The following PPARA variants were observed in gnomAD, a reference collection of about 807,000 sequenced individuals.
PPARA encodes the protein peroxisome proliferator-activated receptor alpha.
PPARA carries 22 observed loss-of-function variants against 42.2 expected under a neutral mutation model. The ratio of observed to expected loss-of-function variants is 0.52; its 90% confidence interval spans 0.37 to 0.74. The LOEUF (loss-of-function observed/expected upper bound fraction) is 0.74, where lower values mean the gene tolerates loss of function less well. Among genes scored for constraint, PPARA ranks in the 30% least tolerant of loss-of-function variants. The probability of loss-of-function intolerance (pLI) is 0.00; values close to 1 mark genes in which losing one functional copy is unlikely to be tolerated. For synonymous variants in PPARA, 242 were observed against 239.3 expected, an observed-to-expected ratio of 1.01 and a Z score of -0.10; for missense variants, 465 against 608.2, an observed-to-expected ratio of 0.76 and a Z score of 2.48.
At chr22:46,158,076 A>C (rs1049908632) in intron 2 of PPARA, among the ~76,000 whole-genome samples, 2 of 152,140 alleles carry the variant, frequency 1.3e-5, no homozygotes, top group African/African-American at 2.4e-5. Flanking sequence ...AGAATATTGA[A>C]GTTCCCCCAC....
At chr22:46,185,964 T>TATATACACAC (rs1207976543) in intron 3 of PPARA, among the ~76,000 whole-genome samples, 4 of 25,924 alleles carry the variant, frequency 1.5e-4, no homozygotes, top group African/African-American at 3.3e-4. Flanking sequence ...TATATATATA[T>TATATACACAC]ACACACACAC....
rs1935876275 is a variant in PPARA, at chr22:46,231,605, CTA to C, written c.712-185_712-184del. ...TTTACTGATTTATACTGTTTGTTCT[CTA>C]TTAATGTCTTATTTTCCCCAACCGA... On this transcript the variant is annotated intron_variant, in intron 7 of 8. Coordinates refer to ENST00000407236, the MANE Select transcript of PPARA (RefSeq NM_005036.6). This position sits in a 1 kb window ranked among gnomAD's most constrained non-coding sequence, Gnocchi z 7.7. 6.6e-6 allele frequency among the ~76,000 whole-genome samples: 1 copy of C among 152,182 alleles called. No homozygotes were observed. Among genetic ancestry groups the C allele is most frequent in the African/African-American group, 2.4e-5 (1 of 41,456 alleles).
rs991024157 is a variant in PPARA, at chr22:46,211,772, G to A, written c.209-3401G>A. On this transcript the variant is annotated intron_variant, in intron 4 of 8. Coordinates refer to ENST00000407236, the MANE Select transcript of PPARA (RefSeq NM_005036.6). The surrounding 1 kb of genome is among the most constrained non-coding windows in gnomAD (Gnocchi z 4.1). ...ACAATCTCGGCTCACTACAACCTCCGTCTCCTGGGTTCAAGCCATTCTGCT... is the reference window on the plus strand; with the variant it reads ...ACAATCTCGGCTCACTACAACCTCCATCTCCTGGGTTCAAGCCATTCTGCT... Among the ~76,000 whole-genome samples, 3 of 150,578 alleles carry A rather than the reference G, an allele frequency of 2.0e-5. No homozygotes were observed. Among genetic ancestry groups the A allele is most frequent in the African/African-American group, 4.9e-5 (2 of 40,924 alleles).
At chr22:46,177,337 G>C (rs1369478128) in intron 3 of PPARA, among the ~76,000 whole-genome samples, 1 of 151,724 alleles carries the variant, frequency 6.6e-6, no homozygotes, top group East Asian at 1.9e-4. Flanking sequence ...GACAATATTT[G>C]GTATAAAAAT....
chr22:46,213,592 C>T (rs1404376466), intron 4 of PPARA, among the ~76,000 whole-genome samples: 1 of 144,622 alleles, frequency 6.9e-6, no homozygotes, highest in Non-Finnish European at 1.5e-5. Flanking sequence ...TTTTTTTTTT[C>T]TTTTCTTTTT....
chr22:46,181,624 A>G (rs899427754), intron 3 of PPARA, among the ~76,000 whole-genome samples: 1 of 152,086 alleles, frequency 6.6e-6, no homozygotes, highest in Non-Finnish European at 1.5e-5. Flanking sequence ...GTGAAGTGGA[A>G]TGGCCTTCTT....
intron 2 of PPARA, among the ~76,000 whole-genome samples, chr22:46,170,941 A>C (rs1927931545): frequency 6.6e-6 from 1 of 151,692 alleles, no homozygotes; most frequent in Non-Finnish European, 1.5e-5. Flanking sequence ...ACAGCAGATC[A>C]CCTGAGGTCA....
chr22:46,226,226 C>T (rs925812388), intron 7 of PPARA, among the ~76,000 whole-genome samples: 10 of 152,056 alleles, frequency 6.6e-5, no homozygotes, highest in Non-Finnish European at 8.8e-5. Flanking sequence ...CTCACACACA[C>T]GTGCACACAC....
intron 3 of PPARA, among the ~76,000 whole-genome samples, chr22:46,189,234 G>A (rs1219412168): frequency 6.6e-6 from 1 of 152,206 alleles, no homozygotes; most frequent in Non-Finnish European, 1.5e-5. Context: ...ATATTTTAAA[G>A]CAATAACTAC....
intron 2 of PPARA, among the ~76,000 whole-genome samples, chr22:46,169,073 G>A: frequency 6.6e-6 from 1 of 151,782 alleles, no homozygotes; most frequent in East Asian, 1.9e-4. Flanking sequence ...GCATGTTTAG[G>A]GCAGTGAAAC....
rs1933893758 is a variant in PPARA, at chr22:46,211,198, A to G, written c.209-3975A>G. 6.6e-6 allele frequency among the ~76,000 whole-genome samples: 1 copy of G among 152,188 alleles called. No individual in the cohort carries two copies. The highest frequency in any genetic ancestry group is 2.4e-5 in the African/African-American group (1 of 41,446). On this transcript the variant is annotated intron_variant, in intron 4 of 8. Transcript: ENST00000407236. The surrounding 1 kb of genome is among the most constrained non-coding windows in gnomAD (Gnocchi z 4.1). ...TCTGTCTGTGGCCATCTGTAGCTGT[A>G]TGAAGCCAAACATGAGTGTGTGCTG...
At position 46,185,948 on chromosome 22, in the gene PPARA, T is replaced by C. The variant is rs1189846230; in HGVS notation, c.-43+9112T>C. Among the ~76,000 whole-genome samples, 8 of 54,372 alleles carry C rather than the reference T, an allele frequency of 1.5e-4. 2 individuals carry two copies. Among genetic ancestry groups the C allele is most frequent in the African/African-American group, 5.2e-4 (8 of 15,350 alleles). 35.7% of individuals were successfully genotyped at this position (54,372 alleles called of 152,430 possible). On this transcript the variant is annotated intron_variant, in intron 3 of 8. Transcript: ENST00000407236. ...ATATATATATATATATATATATATA[T>C]ATATATATATATATATACACACACA... is the stretch of plus-strand genomic sequence containing the variant.
At chr22:46,168,351 CAAAAAAAA>C (rs35345592) in intron 2 of PPARA, among the ~76,000 whole-genome samples, 11 of 14,384 alleles carry the variant, frequency 7.6e-4, no homozygotes, top group African/African-American at 1.5e-3. Context: ...GACTCCATCT[CAAAAAAAA>C]AAAAAAAAAA....
chr22:46,225,949 GCA>G lies in PPARA; in HGVS notation c.712-5836_712-5835del, dbSNP rs1935404922. ...TGCATGCTCACACACATGCACCCAG[GCA>G]CACACAAATCCACATTCACCCATAC... On this transcript the variant is annotated intron_variant, in intron 7 of 8. Transcript: ENST00000407236. This position sits in a 1 kb window ranked among gnomAD's most constrained non-coding sequence, Gnocchi z 4.1. 6.7e-6 allele frequency among the ~76,000 whole-genome samples: 1 copy of G among 150,074 alleles called. No individual in the cohort carries two copies. The highest frequency in any genetic ancestry group is 2.1e-4 in the South Asian group (1 of 4,728).
rs1255042234 is a variant in PPARA at position 46,239,099 on chromosome 22, C to T, written c.*3719C>T. The T allele has an allele frequency of 6.6e-6, 1 of 152,188 alleles. No individual in the cohort carries two copies. The highest frequency in any genetic ancestry group is 1.9e-4 in the East Asian group (1 of 5,188). The allele number at this position is 152,188 out of a possible 1,614,324, so 9.4% of individuals were successfully genotyped here. On this transcript the variant is annotated 3_prime_UTR_variant, in exon 9 of 9. Transcript: ENST00000407236. ...TCAAGGATGCCCAGGAGAGCTGTCC[C>T]TGTTTTAAAGAGCTGTGTTTTGTTT... is the stretch of plus-strand genomic sequence containing the variant.
rs185939292 is a variant in PPARA, at chr22:46,225,587, A to C, written c.711+5573A>C. 6.6e-6 allele frequency among the ~76,000 whole-genome samples: 1 copy of C among 151,870 alleles called. No individual in the cohort carries two copies. Among genetic ancestry groups the C allele is most frequent in the South Asian group, 2.1e-4 (1 of 4,822 alleles). On this transcript the variant is annotated intron_variant, in intron 7 of 8. Coordinates refer to ENST00000407236, the MANE Select transcript of PPARA (RefSeq NM_005036.6). The surrounding 1 kb of genome is among the most constrained non-coding windows in gnomAD (Gnocchi z 4.1). ...TGCACCCACATGCATGCTCACACAC[A>C]TGCACCCACAGTCACACATCCATGC...
intron 4 of PPARA, among the ~76,000 whole-genome samples, chr22:46,213,448 G>T (rs551636649): frequency 7.2e-6 from 1 of 139,282 alleles, no homozygotes; most frequent in Non-Finnish European, 1.5e-5. Context: ...TTGCTCTGTC[G>T]CCAGGCTGGA....
intron 4 of PPARA, among the ~76,000 whole-genome samples, chr22:46,208,780 T>A (rs1007071958): frequency 6.6e-6 from 1 of 152,138 alleles, no homozygotes; most frequent in Non-Finnish European, 1.5e-5. Flanking sequence ...ATTTCACATA[T>A]GAGATCACAT....
In PPARA at chr22:46,198,596, G is replaced by C. The variant is rs1324192317; in HGVS notation, c.208+5G>C. 6.2e-7 allele frequency: 1 copy of C among 1,609,802 alleles called. No individual in the cohort carries two copies. The highest frequency in any genetic ancestry group is 1.3e-5 in the African/African-American group (1 of 74,664). ...CAGATGGCTCGGTCATCACGGGTAA[G>C]TGTGCCGTTTCCTAGAAAGTTTTAT... is the stretch of plus-strand genomic sequence containing the variant. On this transcript the variant is annotated splice_donor_5th_base_variant and intron_variant, in intron 4 of 8. Transcript: ENST00000407236.
Sources: gnomAD v4.1 joint callset for allele counts (sites outside exome capture counted in the v4.1 genomes callset) on GRCh38, gnomAD v4.1.1 for gene constraint, Gnocchi (gnomAD v3.1) non-coding constraint, MANE v1.5 for transcripts, NCBI Gene and HGNC (gene_info 2026-07-23, HGNC 2026-07-21) for gene names.